The following NAV2 variants were observed in gnomAD, a reference collection of about 807,000 sequenced individuals.
NAV2 encodes helicase, APC down-regulated 1.
In NAV2, 54 loss-of-function variants were observed where a neutral mutation model predicts 223.2. The ratio of observed to expected loss-of-function variants is 0.24; its 90% CI spans 0.19 to 0.30. The LOEUF (loss-of-function observed/expected upper bound fraction) is 0.30, where lower values mean the gene tolerates loss of function less well. Ranked by LOEUF, NAV2 falls within the 10% of genes least tolerant of loss-of-function variation. The pLI is 1.00. For synonymous variants in NAV2, 1,279 were observed against 1,239.3 expected, an observed-to-expected ratio of 1.03 and a Z score of -0.67; for missense variants, 2,806 against 3,147.5, an observed-to-expected ratio of 0.89 and a Z score of 2.60.
At position 19,404,878 on chromosome 11, in the gene NAV2, T is replaced by A. The variant is rs568209440; in HGVS notation, c.75+53851T>A. Among the ~76,000 whole-genome samples the A allele has an allele frequency of 1.2e-4, 19 of 152,282 alleles. No individual in the cohort carries two copies. The South Asian group carries it at 3.9e-3, about 32-fold the overall frequency. On this transcript the variant is annotated intron_variant, in intron 1 of 37. Transcript: ENST00000360655. ...GGTAAAACAACTTTTTTTTCTTTTT[T>A]TAAGTGTTAATCTGGAAGGCCTGTC... is the stretch of plus-strand genomic sequence containing the variant.
At chr11:19,513,366 A>G (rs921834388) in intron 1 of NAV2, among the ~76,000 whole-genome samples, 2 of 152,206 alleles carry the variant, frequency 1.3e-5, no homozygotes, top group Non-Finnish European at 2.9e-5. Flanking sequence ...GAGTAGGGCT[A>G]CTTTGGGAAG....
intron 10 of NAV2, among the ~76,000 whole-genome samples, chr11:19,955,062 G>A (rs2047733086): frequency 6.6e-6 from 1 of 152,026 alleles, no homozygotes; most frequent in Non-Finnish European, 1.5e-5. Flanking sequence ...GAATGCTCCT[G>A]TATCTTCATT....
chr11:19,704,812 A>G (rs1419085935), intron 1 of NAV2, among the ~76,000 whole-genome samples: 4 of 152,060 alleles, frequency 2.6e-5, no homozygotes, highest in African/African-American at 9.7e-5. Context: ...GGAGATCAAG[A>G]CCATCCTGGC....
chr11:20,083,284 T>G, intron 26 of NAV2, 105 bp downstream of exon 26: 1 of 909,682 alleles, frequency 1.1e-6, no homozygotes, highest in Non-Finnish European at 1.7e-6. Flanking sequence ...TTGGGATCCT[T>G]TATGCTTTGC....
At chr11:19,990,533 A>C (rs1199025479) in intron 11 of NAV2, among the ~76,000 whole-genome samples, 2 of 150,658 alleles carry the variant, frequency 1.3e-5, no homozygotes, top group African/African-American at 4.9e-5. Flanking sequence ...CCCTCCCCCC[A>C]TTACCTCCCC....
intron 1 of NAV2, among the ~76,000 whole-genome samples, chr11:19,664,519 A>G (rs1301706889): frequency 6.6e-6 from 1 of 152,200 alleles, no homozygotes; most frequent in African/African-American, 2.4e-5. Context: ...CATTTATGGG[A>G]GAAGCACCAA....
intron 1 of NAV2, among the ~76,000 whole-genome samples, chr11:19,631,908 A>G (rs747732120): frequency 6.6e-6 from 1 of 152,152 alleles, no homozygotes; most frequent in Non-Finnish European, 1.5e-5. Context: ...TGCAATTTTT[A>G]TTTCCATATT....
chr11:20,023,908 T>C (rs2054783884), intron 11 of NAV2, among the ~76,000 whole-genome samples: 1 of 152,136 alleles, frequency 6.6e-6, no homozygotes, highest in African/African-American at 2.4e-5. Flanking sequence ...TAGCAGACAT[T>C]GTGTCATTCA....
chr11:19,598,633 T>C (rs992385451), intron 1 of NAV2, among the ~76,000 whole-genome samples: 1 of 152,124 alleles, frequency 6.6e-6, no homozygotes, highest in African/African-American at 2.4e-5. Context: ...TCAGCCCTCA[T>C]TTGCAGATGA....
chr11:19,924,957 A>T (rs181917108), intron 6 of NAV2, among the ~76,000 whole-genome samples: 8 of 152,290 alleles, frequency 5.3e-5, no homozygotes, highest in Non-Finnish European at 8.8e-5. Flanking sequence ...AGGGTCAGGG[A>T]TGCTTATTTT....
At chr11:19,509,287 GTGTC>G (rs1297838271) in intron 1 of NAV2, among the ~76,000 whole-genome samples, 1 of 152,182 alleles carries the variant, frequency 6.6e-6, no homozygotes, top group Non-Finnish European at 1.5e-5. Flanking sequence ...GTGGGTGTGT[GTGTC>G]TGTGTGTGCA....
chr11:19,836,755 T>C (rs557592078), intron 2 of NAV2, among the ~76,000 whole-genome samples: 1 of 152,276 alleles, frequency 6.6e-6, no homozygotes, highest in African/African-American at 2.4e-5. Flanking sequence ...AATACCAGAC[T>C]GAGTGGCATA....
chr11:19,831,223 C>CGGTGGGGGGGGGG (rs1555083701), intron 1 of NAV2, among the ~76,000 whole-genome samples: 1 of 870 alleles, frequency 1.1e-3, no homozygotes. Context: ...AGGAGTGTTG[C>CGGTGGGGGGGGGG]GGGGGGGGGG....
intron 1 of NAV2, among the ~76,000 whole-genome samples, chr11:19,476,914 C>T (rs190660993): frequency 6.6e-6 from 1 of 152,306 alleles, no homozygotes; most frequent in East Asian, 1.9e-4. Flanking sequence ...CTACCACCTT[C>T]CTATGTGGTT....
chr11:19,461,755 G>A (rs921446178), intron 1 of NAV2, among the ~76,000 whole-genome samples: 2 of 152,228 alleles, frequency 1.3e-5, no homozygotes, highest in African/African-American at 2.4e-5. Flanking sequence ...AAATGGAGTA[G>A]CGAGTATCAG....
At chr11:19,735,405 A>C (rs905171585) in intron 1 of NAV2, among the ~76,000 whole-genome samples, 1 of 152,184 alleles carries the variant, frequency 6.6e-6, no homozygotes, top group Admixed American at 6.5e-5. Context: ...ATTCCTTTTC[A>C]GCCCCCAAAG....
At chr11:19,622,278 G>C (rs2047021740) in intron 1 of NAV2, among the ~76,000 whole-genome samples, 3 of 152,156 alleles carry the variant, frequency 2.0e-5, no homozygotes, top group Non-Finnish European at 4.4e-5. Flanking sequence ...AGGTCTGCTT[G>C]GTGCAGAGCT....
At chr11:19,354,633 T>C (rs1853510746) in intron 1 of NAV2, among the ~76,000 whole-genome samples, 1 of 152,256 alleles carries the variant, frequency 6.6e-6, no homozygotes, top group African/African-American at 2.4e-5. Flanking sequence ...AGTGTGTGCT[T>C]TTAAAGTTTA....
intron 36 of NAV2, among the ~76,000 whole-genome samples, chr11:20,113,494 A>G (rs1216539444): frequency 1.3e-5 from 2 of 152,208 alleles, no homozygotes; most frequent in African/African-American, 4.8e-5. Context: ...GCTTGGAGGC[A>G]TGGTGTTGAT....
Sources: gnomAD v4.1 joint callset for allele counts (sites outside exome capture counted in the v4.1 genomes callset) on GRCh38, gnomAD v4.1.1 for gene constraint, MANE v1.5 for transcripts, NCBI Gene and HGNC (gene_info 2026-07-23, HGNC 2026-07-21) for gene names.